PATJ: variants seen among roughly 807,000 people sequenced by gnomAD.
PATJ encodes PATJ crumbs cell polarity complex component, also known as inaD-like protein.
In PATJ, 190 loss-of-function variants were observed where a neutral mutation model predicts 224.9. That is an observed-to-expected ratio of 0.84 (90% confidence interval 0.75 to 0.95). The LOEUF is 0.95. Among genes scored for constraint, PATJ ranks in the 40% least tolerant of loss-of-function variants. The pLI, the probability that PATJ is intolerant of heterozygous loss-of-function variation, is 0.00. For synonymous variants in PATJ, 769 were observed against 820.3 expected, an observed-to-expected ratio of 0.94 and a Z score of 1.07; for missense variants, 2,121 against 2,270.3, an observed-to-expected ratio of 0.93 and a Z score of 1.34.
At chr1:61,941,529 T>G (rs1442270914) in intron 27 of PATJ, among the ~76,000 whole-genome samples, 1 of 152,044 alleles carries the variant, frequency 6.6e-6, no homozygotes, top group Non-Finnish European at 1.5e-5. Context: ...CACACACCTG[T>G]AGTCCCAGCT....
chr1:61,833,638 T>C lies in PATJ; in HGVS notation c.1981-16T>C, dbSNP rs920016577. 1.2e-6 allele frequency: 2 copies of C among 1,600,066 alleles called. No individual in the cohort carries two copies. Among genetic ancestry groups the C allele is most frequent in the Non-Finnish European group, 1.7e-6 (2 of 1,174,536 alleles). On this transcript the variant is annotated splice_polypyrimidine_tract_variant and intron_variant, in intron 16 of 43. Transcript: ENST00000642238. ...AGCATAGTGTTTTGAAGCATTTATC[T>C]TCTTTGGTATTTCAGGTTGACCACA...
At chr1:61,981,444 G>T (rs1190544412) in intron 27 of PATJ, among the ~76,000 whole-genome samples, 1 of 151,940 alleles carries the variant, frequency 6.6e-6, no homozygotes, top group Non-Finnish European at 1.5e-5. Context: ...CCATTGCAAG[G>T]TTCATGGCTG....
At chr1:61,973,067 A>C (rs2149471164) in intron 27 of PATJ, among the ~76,000 whole-genome samples, 1 of 152,218 alleles carries the variant, frequency 6.6e-6, no homozygotes, top group Non-Finnish European at 1.5e-5. Flanking sequence ...TGTATTAATT[A>C]GAAATTTTTA....
chr1:62,152,375 C>G (rs974723751), intron 42 of PATJ, among the ~76,000 whole-genome samples: 3 of 152,022 alleles, frequency 2.0e-5, no homozygotes, highest in Non-Finnish European at 2.9e-5. Flanking sequence ...GAGCAGCAGT[C>G]TGAGTGCGGC....
Position 61,864,297 on chromosome 1 carries a change from G to A in PATJ, c.2499G>A (p.Leu833=), listed in dbSNP as rs760018818. ...EELVDEPFLD[L]GKSFHSQQKE... is the part of the protein sequence containing the mutation. ...TTGTGGATGAACCATTTCTAGATCT[G>A]GGAAAGTCTTTCCATTCCCAACAAA... is the stretch of plus-strand genomic sequence containing the variant. Residue 833 remains leucine, a synonymous_variant, in exon 20 of 44, where the codon CTG becomes CTA. Coordinates refer to ENST00000642238, the MANE Select transcript of PATJ (RefSeq NM_001350145.3). 1 of 1,613,654 alleles carries A rather than the reference G, an allele frequency of 6.2e-7. No homozygotes were observed. Among genetic ancestry groups the A allele is most frequent in the South Asian group, 1.1e-5 (1 of 91,046 alleles).
intron 1 of PATJ, among the ~76,000 whole-genome samples, chr1:61,750,475 G>C (rs1300654715): frequency 1.7e-5 from 1 of 57,450 alleles, no homozygotes; most frequent in Admixed American, 2.2e-4. Flanking sequence ...CTCTATTTTT[G>C]CCCAGGCTGG....
At chr1:62,049,771 G>A (rs2148581025) in intron 30 of PATJ, among the ~76,000 whole-genome samples, 1 of 152,264 alleles carries the variant, frequency 6.6e-6, no homozygotes, top group East Asian at 1.9e-4. Context: ...AGTCACGAAA[G>A]AAAACAAGTA....
intron 27 of PATJ, among the ~76,000 whole-genome samples, chr1:61,971,508 G>A (rs1682968489): frequency 6.6e-6 from 1 of 152,022 alleles, no homozygotes; most frequent in South Asian, 2.1e-4. Flanking sequence ...CAGCTACTCA[G>A]GAGGCTGAGG....
At chr1:62,139,768 CT>C (rs528616392) in intron 41 of PATJ, among the ~76,000 whole-genome samples, 1 of 140,092 alleles carries the variant, frequency 7.1e-6, no homozygotes, top group Non-Finnish European at 1.6e-5. Flanking sequence ...TTTTTTTTTT[CT>C]TTTTTTTTGA....
chr1:61,751,478 AT>A (rs1557575914), intron 1 of PATJ, among the ~76,000 whole-genome samples: 4 of 151,784 alleles, frequency 2.6e-5, no homozygotes, highest in African/African-American at 4.8e-5. Context: ...AATTGCCCAG[AT>A]TTTTTTTGTC....
intron 9 of PATJ, 50 bp downstream of exon 9, chr1:61,791,497 G>C (rs750153991): frequency 1.7e-6 from 2 of 1,180,282 alleles, no homozygotes; most frequent in Non-Finnish European, 2.5e-6. Context: ...AGGATGTTAA[G>C]GTTTCTAGAT....
At chr1:61,927,913 G>A (rs1474013695) in intron 27 of PATJ, 84 bp downstream of exon 27, 1 of 965,674 alleles carries the variant, frequency 1.0e-6, no homozygotes, top group African/African-American at 1.7e-5. Context: ...CAAATATATG[G>A]CTGTGAGTTC....
chr1:62,043,729 G>GT (rs1422649190), intron 30 of PATJ, among the ~76,000 whole-genome samples: 4 of 151,456 alleles, frequency 2.6e-5, no homozygotes, highest in Admixed American at 6.6e-5. Context: ...TTTGGTTTGG[G>GT]GGGGGCAGTT....
At chr1:62,052,473 G>A (rs1251121055) in intron 31 of PATJ, among the ~76,000 whole-genome samples, 1 of 151,078 alleles carries the variant, frequency 6.6e-6, no homozygotes, top group African/African-American at 2.4e-5. Context: ...CGGGCACAGT[G>A]ACTCAAGCCT....
At chr1:62,038,072 C>T (rs763278105) in intron 30 of PATJ, 23 bp downstream of exon 30, 1 of 1,434,708 alleles carries the variant, frequency 7.0e-7, no homozygotes. Context: ...CTAATTAGCT[C>T]TTAGTATATT....
chr1:61,773,858 C>T (rs1286838), intron 6 of PATJ, among the ~76,000 whole-genome samples: 26,489 of 151,600 alleles, frequency 0.17, 2,450 homozygotes, highest in Non-Finnish European at 0.2. Context: ...CTTTGGCTCA[C>T]GCCTGTAGTC....
intron 41 of PATJ, among the ~76,000 whole-genome samples, chr1:62,139,391 C>T (rs1425273758): frequency 8.5e-6 from 1 of 117,520 alleles, no homozygotes; most frequent in East Asian, 2.9e-4. Context: ...CACAGCGAGA[C>T]TCCATCTCAA....
rs1646923186 is a variant in PATJ at position 62,018,915 on chromosome 1, A to T, written c.3959+968A>T. ...CCAGCTTGGGCACTAACGTGATTGA[A>T]ATATCCCTTCCCACTTCTACTTTGC... On this transcript the variant is annotated intron_variant, in intron 29 of 43. Transcript: ENST00000642238. This position sits in a 1 kb window ranked among gnomAD's most constrained non-coding sequence, Gnocchi z 4.2. Among the ~76,000 whole-genome samples the T allele has an allele frequency of 6.6e-6, 1 of 152,116 alleles. No homozygotes were observed. The highest frequency in any genetic ancestry group is 2.4e-5 in the African/African-American group (1 of 41,428).
intron 41 of PATJ, among the ~76,000 whole-genome samples, chr1:62,147,735 G>T (rs1331367498): frequency 6.6e-6 from 1 of 151,708 alleles, no homozygotes; most frequent in Admixed American, 6.6e-5. Context: ...GGAAGCAGAG[G>T]TTGTAGTGAG....
Sources: gnomAD v4.1 joint callset for allele counts (sites outside exome capture counted in the v4.1 genomes callset) on GRCh38, gnomAD v4.1.1 for gene constraint, Gnocchi (gnomAD v3.1) non-coding constraint, MANE v1.5 for transcripts, NCBI Gene and HGNC (gene_info 2026-07-23, HGNC 2026-07-21) for gene names.